Variants in BTBD9 observed in about 807,000 individuals in gnomAD.
BTBD9 encodes BTB/POZ domain-containing protein 9.
BTBD9 carries 49 observed loss-of-function variants against 64.3 expected under a neutral mutation model. That is an observed-to-expected ratio of 0.76 (90% CI 0.61 to 0.97). The LOEUF (loss-of-function observed/expected upper bound fraction) is 0.97, where lower values mean the gene tolerates loss of function less well. Among genes scored for constraint, BTBD9 ranks in the 50% least tolerant of loss-of-function variants. The pLI is 0.00. For missense variants in BTBD9, 598 were observed against 762.1 expected, an observed-to-expected ratio of 0.78 and a Z score of 2.53; for synonymous variants, 260 against 274.7, an observed-to-expected ratio of 0.95 and a Z score of 0.53.
intron 6 of BTBD9, among the ~76,000 whole-genome samples, chr6:38,494,391 A>G (rs143894826): frequency 1.4e-4 from 22 of 152,274 alleles, no homozygotes; most frequent in African/African-American, 5.3e-4. Context: ...AAAGAAATCA[A>G]AGCGAAACAA....
chr6:38,613,225 A>G (rs1777669520), intron 1 of BTBD9, among the ~76,000 whole-genome samples: 2 of 152,198 alleles, frequency 1.3e-5, no homozygotes, highest in South Asian at 4.1e-4. Flanking sequence ...AATTACATAC[A>G]AGGCTTGCGT....
chr6:38,490,633 C>T (rs773984725), intron 6 of BTBD9, among the ~76,000 whole-genome samples: 2 of 152,052 alleles, frequency 1.3e-5, no homozygotes, highest in African/African-American at 4.8e-5. Flanking sequence ...ACATCCAGTT[C>T]TAATGCTCAT....
chr6:38,415,177 C>T (rs759016293), intron 6 of BTBD9, among the ~76,000 whole-genome samples: 60 of 152,194 alleles, frequency 3.9e-4, no homozygotes, highest in South Asian at 1.5e-3. Context: ...ATATCCTACT[C>T]CCCAAAATCT....
intron 8 of BTBD9, among the ~76,000 whole-genome samples, chr6:38,267,318 AACAG>A (rs1765045215): frequency 6.6e-6 from 1 of 152,254 alleles, no homozygotes; most frequent in Non-Finnish European, 1.5e-5. Context: ...GGGCGATAAG[AACAG>A]ACAGACACAT....
chr6:38,399,272 A>C (rs1766822664), intron 6 of BTBD9, among the ~76,000 whole-genome samples: 1 of 152,240 alleles, frequency 6.6e-6, no homozygotes, highest in African/African-American at 2.4e-5. Flanking sequence ...TATTTAGGAT[A>C]TCTGGAAGTA....
intron 6 of BTBD9, among the ~76,000 whole-genome samples, chr6:38,369,274 T>G (rs1178091002): frequency 6.6e-6 from 1 of 152,224 alleles, no homozygotes; most frequent in African/African-American, 2.4e-5. Flanking sequence ...AGGAAGCTTC[T>G]GAGAATACAA....
intron 7 of BTBD9, among the ~76,000 whole-genome samples, chr6:38,300,674 G>T (rs1762355500): frequency 6.6e-6 from 1 of 152,168 alleles, no homozygotes; most frequent in Non-Finnish European, 1.5e-5. Flanking sequence ...TGTTACTGGT[G>T]TATAAGAATG....
At chr6:38,306,175 A>G (rs1448166528) in intron 7 of BTBD9, among the ~76,000 whole-genome samples, 2 of 152,196 alleles carry the variant, frequency 1.3e-5, no homozygotes, top group African/African-American at 4.8e-5. Context: ...CGTCTGATAA[A>G]TTTATTAAAA....
Position 38,184,734 on chromosome 6 carries a change from T to C in BTBD9, c.1641+7785A>G, listed in dbSNP as rs1018664893. Among the ~76,000 whole-genome samples, 2 of 152,140 alleles carry C rather than the reference T, an allele frequency of 1.3e-5. No homozygotes were observed. The highest frequency in any genetic ancestry group is 2.1e-4 in the South Asian group (1 of 4,832). ...ACCTGGGGCAGGGGGACCTCGGAAA[T>C]AATTATCACCATGCCAGGAAGGAGC... is the stretch of plus-strand genomic sequence containing the variant. On this transcript the variant is annotated intron_variant, in intron 10 of 10. Coordinates refer to ENST00000481247, the MANE Select transcript of BTBD9 (RefSeq NM_001099272.2). The surrounding 1 kb of genome is among the most constrained non-coding windows in gnomAD (Gnocchi z 4.4).
At chr6:38,274,327 A>G (rs1001312227) in intron 8 of BTBD9, among the ~76,000 whole-genome samples, 1 of 152,238 alleles carries the variant, frequency 6.6e-6, no homozygotes, top group Non-Finnish European at 1.5e-5. Flanking sequence ...ATCTGCAAAC[A>G]GGGACAATTT....
intron 3 of BTBD9, 68 bp downstream of exon 3, chr6:38,593,896 T>C (rs1776922561): frequency 4.5e-6 from 6 of 1,340,848 alleles, no homozygotes. Flanking sequence ...TCCATTGCTA[T>C]ACTTCTACAG....
At chr6:38,630,707 A>G (rs73414323) in intron 1 of BTBD9, among the ~76,000 whole-genome samples, 2,412 of 152,360 alleles carry the variant, frequency 0.016, 63 homozygotes, top group African/African-American at 0.054. Context: ...GTGAAAGTTA[A>G]TATCTGACAT....
At chr6:38,206,006 A>G (rs1259518492) in intron 9 of BTBD9, among the ~76,000 whole-genome samples, 1 of 152,062 alleles carries the variant, frequency 6.6e-6, no homozygotes, top group Non-Finnish European at 1.5e-5. Context: ...TGAGAGCCGT[A>G]AAACAGGCCC....
intron 7 of BTBD9, among the ~76,000 whole-genome samples, chr6:38,315,937 G>C (rs1286725717): frequency 1.3e-5 from 2 of 152,156 alleles, no homozygotes; most frequent in Non-Finnish European, 2.9e-5. Flanking sequence ...CATTGTATTA[G>C]AGTCTCTCTC....
At position 38,174,336 on chromosome 6, in the gene BTBD9, T is replaced by C. The variant is rs1766908849; in HGVS notation, c.*649A>G. On this transcript the variant is annotated 3_prime_UTR_variant, in exon 11 of 11. Coordinates refer to ENST00000481247, the MANE Select transcript of BTBD9 (RefSeq NM_001099272.2). The stretch of plus-strand genomic sequence containing the variant: ...GGCCCAAGTGCCAGGATGAGCTGCA[T>C]CCGTGTCTCATTTAGGAGACATGCA... 1 of 152,272 alleles carries C rather than the reference T, an allele frequency of 6.6e-6. No homozygotes were observed. The allele number at this position is 152,272 out of a possible 1,614,324, so 9.4% of individuals were successfully genotyped here. A position where few individuals can be genotyped will look rare whatever the true frequency, so the allele number is the denominator to read the frequency against.
intron 6 of BTBD9, among the ~76,000 whole-genome samples, chr6:38,427,968 T>C (rs1768250032): frequency 6.6e-6 from 1 of 151,964 alleles, no homozygotes; most frequent in Non-Finnish European, 1.5e-5. Context: ...TCCTGGGCAC[T>C]AGAAGTGTTA....
chr6:38,217,507 C>T (rs958048988), intron 9 of BTBD9, among the ~76,000 whole-genome samples: 1 of 151,744 alleles, frequency 6.6e-6, no homozygotes, highest in African/African-American at 2.4e-5. Context: ...ATACCGTGGG[C>T]AAGAAGGTTC....
At chr6:38,320,426 T>G (rs1301128308) in intron 7 of BTBD9, among the ~76,000 whole-genome samples, 1 of 152,240 alleles carries the variant, frequency 6.6e-6, no homozygotes, top group East Asian at 1.9e-4. Flanking sequence ...AAGGAATATC[T>G]TATTTCTGCA....
chr6:38,223,889 T>A (rs149815882), intron 9 of BTBD9, among the ~76,000 whole-genome samples: 21 of 152,270 alleles, frequency 1.4e-4, no homozygotes, highest in African/African-American at 3.9e-4. Context: ...CTTTCTATAG[T>A]TTTTTTGGAG....
Sources: allele counts gnomAD v4.1 joint callset (sites outside exome capture counted in the v4.1 genomes callset), GRCh38; gene constraint gnomAD v4.1.1; non-coding constraint Gnocchi (gnomAD v3.1); transcripts MANE v1.5; gene names NCBI Gene and HGNC (gene_info 2026-07-23, HGNC 2026-07-21).